TRPC4: variants seen among roughly 807,000 people sequenced by gnomAD.
TRPC4 encodes short transient receptor potential channel 4.
A neutral mutation model predicts 99.4 loss-of-function variants in TRPC4; 49 were observed. The ratio of observed to expected loss-of-function variants is 0.49; its 90% CI spans 0.39 to 0.63. The LOEUF is 0.63. TRPC4 is among the 20% of genes least tolerant of loss of function. The pLI is 0.00. For synonymous variants in TRPC4, 454 were observed against 425.9 expected (o/e 1.07, Z -0.81); for missense variants, 898 against 1,152.9 (o/e 0.78, Z 3.20).
At chr13:37,653,778 G>T (rs1487128983) in intron 7 of TRPC4, among the ~76,000 whole-genome samples, 2 of 152,130 alleles carry the variant, frequency 1.3e-5, no homozygotes, top group African/African-American at 2.4e-5. Context: ...TGTTTTAAAA[G>T]ATCCAAATTG....
intron 6 of TRPC4, among the ~76,000 whole-genome samples, chr13:37,662,800 T>A (rs764452792): frequency 7.9e-5 from 12 of 152,220 alleles, no homozygotes; most frequent in Non-Finnish European, 1.3e-4. Context: ...CATGAAGCTG[T>A]GTGCTGTTAG....
At chr13:37,796,792 G>A (rs940040871) in intron 1 of TRPC4, among the ~76,000 whole-genome samples, 1 of 151,362 alleles carries the variant, frequency 6.6e-6, no homozygotes, top group Non-Finnish European at 1.5e-5. Flanking sequence ...CTGCTCACTT[G>A]TGTCTAAAAA....
At chr13:37,699,972 C>A (rs562094760) in intron 3 of TRPC4, among the ~76,000 whole-genome samples, 10 of 152,126 alleles carry the variant, frequency 6.6e-5, no homozygotes, top group Non-Finnish European at 1.3e-4. Context: ...GTGATGAACC[C>A]AACGTTGAAC....
In TRPC4 at chr13:37,739,504, A is replaced by ATT. The variant is rs34228089; in HGVS notation, c.897+6431_897+6432dup. On this transcript the variant is annotated intron_variant, in intron 3 of 10. Transcript: ENST00000379705. ...TGAGAAAAAGTCTCCAAAGCATGAG[A>ATT]TTTTTTTTTTTTTTTTTTTGAGATG... 3.6e-3 allele frequency among the ~76,000 whole-genome samples: 482 copies of ATT among 133,766 alleles called. 5 individuals carry two copies. Among genetic ancestry groups the ATT allele is most frequent in the African/African-American group, 0.013 (454 of 34,476 alleles). 87.8% of individuals were successfully genotyped at this position (133,766 alleles called of 152,430 possible). A position where few individuals can be genotyped will look rare whatever the true frequency, so the allele number is the denominator to read the frequency against.
At chr13:37,656,697 G>A (rs1176591185) in intron 6 of TRPC4, among the ~76,000 whole-genome samples, 1 of 152,202 alleles carries the variant, frequency 6.6e-6, no homozygotes, top group Non-Finnish European at 1.5e-5. Context: ...GGGTTATGAT[G>A]TGGAGTCAGA....
chr13:37,835,420 C>T (rs112656224), intron 1 of TRPC4, among the ~76,000 whole-genome samples: 2 of 152,198 alleles, frequency 1.3e-5, no homozygotes, highest in African/African-American at 4.8e-5. Context: ...CACTCTTGTC[C>T]AACATCTTGC....
chr13:37,827,756 C>A (rs1351438744), intron 1 of TRPC4, among the ~76,000 whole-genome samples: 1 of 152,190 alleles, frequency 6.6e-6, no homozygotes. Context: ...AGAGGTGGAG[C>A]CTACAGAGGC....
At chr13:37,656,933 C>A (rs1036804829) in intron 6 of TRPC4, among the ~76,000 whole-genome samples, 1 of 152,148 alleles carries the variant, frequency 6.6e-6, no homozygotes, top group Non-Finnish European at 1.5e-5. Flanking sequence ...CAAAGATAAA[C>A]CCTTACTCAG....
intron 3 of TRPC4, among the ~76,000 whole-genome samples, chr13:37,720,541 G>A (rs1216945497): frequency 6.6e-6 from 1 of 151,888 alleles, no homozygotes; most frequent in African/African-American, 2.4e-5. Flanking sequence ...GAATTATCTA[G>A]TGAGGATGGA....
intron 1 of TRPC4, among the ~76,000 whole-genome samples, chr13:37,794,246 G>C (rs1957195506): frequency 6.6e-6 from 1 of 151,854 alleles, no homozygotes; most frequent in Admixed American, 6.6e-5. Flanking sequence ...AATATATCTT[G>C]ATAAAAAATA....
chr13:37,805,047 G>A (rs550591380), intron 1 of TRPC4, among the ~76,000 whole-genome samples: 37 of 151,774 alleles, frequency 2.4e-4, no homozygotes, highest in South Asian at 1.7e-3. Context: ...GTCATAAATC[G>A]GTGATAAAAT....
At chr13:37,782,918 C>A in intron 2 of TRPC4, 38 bp downstream of exon 2, 37 of 1,387,510 alleles carry the variant, frequency 2.7e-5, no homozygotes, top group South Asian at 2.6e-4. Flanking sequence ...AAACCTTCTG[C>A]AGGTAAAATA....
At chr13:37,806,930 A>G (rs918219693) in intron 1 of TRPC4, among the ~76,000 whole-genome samples, 4 of 151,964 alleles carry the variant, frequency 2.6e-5, no homozygotes, top group Non-Finnish European at 5.9e-5. Flanking sequence ...CAGATTTACT[A>G]CTTTATTCTT....
chr13:37,680,519 T>G (rs946177249), intron 4 of TRPC4, among the ~76,000 whole-genome samples: 2 of 152,198 alleles, frequency 1.3e-5, no homozygotes, highest in African/African-American at 4.8e-5. Context: ...TTCTTCCTAT[T>G]AGGATTGTGA....
chr13:37,660,546 T>G (rs930060541), intron 6 of TRPC4, among the ~76,000 whole-genome samples: 1 of 152,116 alleles, frequency 6.6e-6, no homozygotes, highest in East Asian at 1.9e-4. Context: ...ATGGGAAATA[T>G]TGGGTTCAAA....
At chr13:37,748,706 A>G (rs1037389173) in intron 2 of TRPC4, among the ~76,000 whole-genome samples, 2 of 152,002 alleles carry the variant, frequency 1.3e-5, no homozygotes, top group African/African-American at 4.8e-5. Context: ...CATAAAATAT[A>G]TCTTTGTAGA....
At chr13:37,669,160 T>G (rs1310429573) in intron 5 of TRPC4, among the ~76,000 whole-genome samples, 1 of 152,184 alleles carries the variant, frequency 6.6e-6, no homozygotes, top group African/African-American at 2.4e-5. Context: ...ACAAATCTTC[T>G]TATTAATAAA....
chr13:37,723,433 G>C (rs1352490161), intron 3 of TRPC4, among the ~76,000 whole-genome samples: 1 of 152,168 alleles, frequency 6.6e-6, no homozygotes, highest in Non-Finnish European at 1.5e-5. Context: ...TATTCATTAA[G>C]CTAATATTTT....
chr13:37,849,837 C>T (rs1566222485), intron 1 of TRPC4, among the ~76,000 whole-genome samples: 1 of 152,278 alleles, frequency 6.6e-6, no homozygotes, highest in African/African-American at 2.4e-5. Context: ...CTCTCATTCA[C>T]TCCTGCATCA....
Sources: gnomAD v4.1 joint callset for allele counts (sites outside exome capture counted in the v4.1 genomes callset) on GRCh38, gnomAD v4.1.1 for gene constraint, MANE v1.5 for transcripts, NCBI Gene and HGNC (gene_info 2026-07-23, HGNC 2026-07-21) for gene names.